CASKIN1: variants seen among roughly 807,000 people sequenced by gnomAD.
CASKIN1 encodes the protein CASK interacting protein 1, also known as caskin-1.
Under a neutral mutation model 117.5 loss-of-function variants are expected in CASKIN1, and 42 were observed. That is an observed-to-expected ratio of 0.36 (90% confidence interval 0.28 to 0.46). The LOEUF (loss-of-function observed/expected upper bound fraction) is 0.46. Among genes scored for constraint, CASKIN1 ranks in the 20% least tolerant of loss-of-function variants. The pLI, the probability that CASKIN1 is intolerant of heterozygous loss-of-function variation, is 1.00. For missense variants in CASKIN1, 2,083 were observed against 2,077.3 expected (o/e 1.00, Z -0.05); for synonymous variants, 1,148 against 961.7 (o/e 1.19, Z -3.59).
Position 2,189,452 on chromosome 16 carries a change from C to T in CASKIN1, c.357G>A (p.Leu119=), listed in dbSNP as rs1474946409. 1 of 1,612,040 alleles carries T rather than the reference C, an allele frequency of 6.2e-7. No individual in the cohort carries two copies. Among genetic ancestry groups the T allele is most frequent in the Non-Finnish European group, 8.5e-7 (1 of 1,179,738 alleles). Residue 119 remains leucine, a synonymous_variant, in exon 4 of 20, where the codon CTG becomes CTA. Transcript: ENST00000343516. ...AGTGACCATGCTGGGCCGCCAGGTG[C>T]AGGGGGATGTGGCCCTCATCAGACG... ...NIPSDEGHIP[L]HLAAQHGHYD... is the part of the protein sequence containing the mutation.
intron 1 of CASKIN1, among the ~76,000 whole-genome samples, chr16:2,193,218 T>G (rs901817594): frequency 5.3e-5 from 8 of 152,194 alleles, no homozygotes; most frequent in African/African-American, 1.9e-4. Flanking sequence ...GGTTTCTCCA[T>G]GTTGGTCAGG....
Position 2,178,405 on chromosome 16 carries a change from C to G in CASKIN1, c.*145G>C. On this transcript the variant is annotated 3_prime_UTR_variant, in exon 20 of 20. Coordinates refer to ENST00000343516, the MANE Select transcript of CASKIN1 (RefSeq NM_020764.4). The stretch of plus-strand genomic sequence containing the variant: ...CGGCCAGGCGGTCCCCGGTGGGCGC[C>G]CCGGCCCGGGTCCAGGGGCCGGAGT... 1.8e-6 allele frequency: 1 copy of G among 544,258 alleles called. No homozygotes were observed. The highest frequency in any genetic ancestry group is 3.9e-5 in the East Asian group (1 of 25,968). The allele number at this position is 544,258 out of a possible 1,614,324, so 33.7% of individuals were successfully genotyped here.
At position 2,180,684 on chromosome 16, in the gene CASKIN1, C is replaced by T. The variant is rs575118987; in HGVS notation, c.2684G>A (p.Arg895Gln). 2.9e-5 allele frequency: 43 copies of T among 1,503,136 alleles called. No individual in the cohort carries two copies. The South Asian group carries it at 3.0e-4, about 11-fold the overall frequency. The allele number at this position is 1,503,136 out of a possible 1,614,324, so 93.1% of individuals were successfully genotyped here. The change falls in exon 18 of 20, where the codon CGG becomes CAG. Residue 895 changes from arginine to glutamine, a missense_variant. Coordinates refer to ENST00000343516, the MANE Select transcript of CASKIN1 (RefSeq NM_020764.4). Reference protein sequence around the residue: ...RYAASDSEPERDELLVPAAAG... With the variant: ...RYAASDSEPEQDELLVPAAAG... ...AGCCGCAGGCACCAGCAGCTCGTCC[C>T]GCTCCGGCTCGCTGTCGGACGCCGC...
rs549216091 is a variant in CASKIN1, at chr16:2,182,612, T to C, written c.1630-683A>G. Reference sequence around the variant, plus strand: ...GAGGATCCCCGAGCCACCAATTGAGTGAGGCAAGGCAGGGTGAGTGCAGAC... The same window carrying C: ...GAGGATCCCCGAGCCACCAATTGAGCGAGGCAAGGCAGGGTGAGTGCAGAC... On this transcript the variant is annotated intron_variant, in intron 16 of 19. Transcript: ENST00000343516. This position sits in a 1 kb window ranked among gnomAD's most constrained non-coding sequence, Gnocchi z 4.1. Among the ~76,000 whole-genome samples, 1 of 152,218 alleles carries C rather than the reference T, an allele frequency of 6.6e-6. No homozygotes were observed. The highest frequency in any genetic ancestry group is 6.5e-5 in the Admixed American group (1 of 15,296).
In CASKIN1 at chr16:2,180,600, G is replaced by T; in HGVS notation, c.2768C>A (p.Pro923His). ...GTTGACGTTCTTGTCGGCACCTGCG[G>T]GCGCCCTCACTGAGTGGCTGCGGCC... ...RVGRSHSVRA[P>H]AGADKNVNRS... Residue 923 changes from proline (P) to histidine (H), a missense_variant, in exon 18 of 20, where the codon CCC becomes CAC. Around this residue, in one of 3 missense-constraint regions of CASKIN1, gnomAD observed 1,818 missense variants for 1,688.9 expected, o/e 1.08. Coordinates refer to ENST00000343516, the MANE Select transcript of CASKIN1 (RefSeq NM_020764.4). 2 of 1,573,096 alleles carry T rather than the reference G, an allele frequency of 1.3e-6. No individual in the cohort carries two copies. Among genetic ancestry groups the T allele is most frequent in the Non-Finnish European group, 1.7e-6 (2 of 1,166,780 alleles).
intron 12 of CASKIN1, 37 bp downstream of exon 12, chr16:2,185,074 C>T (rs1430363392): frequency 1.2e-6 from 2 of 1,607,122 alleles, no homozygotes; most frequent in Admixed American, 1.7e-5. Flanking sequence ...CTGCTCCCAG[C>T]CCTGGCCACC....
Position 2,196,330 on chromosome 16 carries a change from G to C in CASKIN1, c.94+9C>G. Reference sequence around the variant, plus strand: ...GCTCCCACCCGCGCCCCGCGCCCCCGGCACTCACTGGCCTTCCCGGGCCGC... The same window carrying C: ...GCTCCCACCCGCGCCCCGCGCCCCCCGCACTCACTGGCCTTCCCGGGCCGC... On this transcript the variant is annotated intron_variant, in intron 1 of 19. Coordinates refer to ENST00000343516, the MANE Select transcript of CASKIN1 (RefSeq NM_020764.4). This position sits in a 1 kb window ranked among gnomAD's most constrained non-coding sequence, Gnocchi z 5.7. 8.1e-7 allele frequency: 1 copy of C among 1,227,524 alleles called. No individual in the cohort carries two copies. The highest frequency in any genetic ancestry group is 1.0e-6 in the Non-Finnish European group (1 of 974,272). The allele number at this position is 1,227,524 out of a possible 1,614,324, so 76.0% of individuals were successfully genotyped here. A position where few individuals can be genotyped will look rare whatever the true frequency, so the allele number is the denominator to read the frequency against.
At position 2,189,302 on chromosome 16, in the gene CASKIN1, G is replaced by A; in HGVS notation, c.422C>T (p.Pro141Leu). The change falls in exon 5 of 20, where the codon CCG becomes CTG. Residue 141 changes from proline to leucine, a missense_variant. Physicochemically the swap from Pro to Leu is moderately conservative, Grantham distance 98. This residue lies in a region of CASKIN1 where 203 missense variants were observed against 338.7 expected (regional missense o/e 0.60). Transcript: ENST00000343516. ...CTTCCCCGAGTTGTCCACCATGCACGGGTTAGACTGGTGCTGTAGCAGCAT... is the reference window on the plus strand; with the variant it reads ...CTTCCCCGAGTTGTCCACCATGCACAGGTTAGACTGGTGCTGTAGCAGCAT... ...SEMLLQHQSN[P>L]CMVDNSGKTP... The A allele has an allele frequency of 1.9e-6, 3 of 1,613,236 alleles. No homozygotes were observed. Among genetic ancestry groups the A allele is most frequent in the Non-Finnish European group, 2.5e-6 (3 of 1,179,914 alleles).
intron 3 of CASKIN1, 58 bp from the exon 4 acceptor site, chr16:2,189,622 A>G (rs1429294156): frequency 6.6e-6 from 10 of 1,524,866 alleles, no homozygotes; most frequent in Non-Finnish European, 7.9e-6. Context: ...ACCCTGGAGG[A>G]TAGGGGGGTG....
At chr16:2,193,389 G>C (rs1350531583) in intron 1 of CASKIN1, among the ~76,000 whole-genome samples, 1 of 152,184 alleles carries the variant, frequency 6.6e-6, no homozygotes, top group African/African-American at 2.4e-5. Flanking sequence ...ATGTCGTGGG[G>C]CCTACCACCA....
rs929165040 is a variant in CASKIN1 at position 2,182,007 on chromosome 16, A to G, written c.1630-78T>C. 21 of 1,592,516 alleles carry G rather than the reference A, an allele frequency of 1.3e-5. No individual in the cohort carries two copies. In the African/African-American group the frequency reaches 2.1e-4, roughly 16 times the overall value. On this transcript the variant is annotated intron_variant, in intron 16 of 19. Transcript: ENST00000343516. This position sits in a 1 kb window ranked among gnomAD's most constrained non-coding sequence, Gnocchi z 4.1. ...CCATCTACCTGGAGCTGGAGGAGGA[A>G]GGGTCACCGGGCCAGCAGGGCACAG...
At position 2,181,494 on chromosome 16, in the gene CASKIN1, G is replaced by A. The variant is rs780998571; in HGVS notation, c.1874C>T (p.Ser625Phe). ...CGACTCGATGGCCATCACTTCAAGAGACTGGGGCGCCTTCCGGCGCAGGGG... is the reference window on the plus strand; with the variant it reads ...CGACTCGATGGCCATCACTTCAAGAAACTGGGGCGCCTTCCGGCGCAGGGG... ...GGPLRRKAPQ[S>F]LEVMAIESPP... is the part of the protein sequence containing the mutation. The change falls in exon 18 of 20, where the codon TCT (serine) becomes TTT (phenylalanine). Residue 625 changes from serine to phenylalanine, a missense_variant. Ser to Phe is a radical substitution (Grantham distance 155, BLOSUM62 -2). Transcript: ENST00000343516. 1 of 1,611,106 alleles carries A rather than the reference G, an allele frequency of 6.2e-7. No individual in the cohort carries two copies. The highest frequency in any genetic ancestry group is 1.3e-5 in the African/African-American group (1 of 74,902).
At chr16:2,192,346 G>C (rs2093203640) in intron 1 of CASKIN1, among the ~76,000 whole-genome samples, 1 of 151,560 alleles carries the variant, frequency 6.6e-6, no homozygotes, top group African/African-American at 2.4e-5. Context: ...ATCTTGCCAC[G>C]CCTCTCCTGA....
chr16:2,179,061 G>T lies in CASKIN1; in HGVS notation c.4040C>A (p.Ala1347Asp). 1 of 990,080 alleles carries T rather than the reference G, an allele frequency of 1.0e-6. No individual in the cohort carries two copies. 61.3% of individuals were successfully genotyped at this position (990,080 alleles called of 1,614,324 possible). A position where few individuals can be genotyped will look rare whatever the true frequency, so the allele number is the denominator to read the frequency against. The change falls in exon 19 of 20, where the codon GCC becomes GAC. Residue 1347 changes from alanine to aspartate, a missense_variant. This residue lies in a region of CASKIN1 where 1,818 missense variants were observed against 1,688.9 expected (regional missense o/e 1.08). Transcript: ENST00000343516. This position sits in a 1 kb window ranked among gnomAD's most constrained non-coding sequence, Gnocchi z 5.8. ...CGCGGCGGCGGCGGCGGCGGCGGCG[G>T]CGGCGGCTCGCGGGGGCTTGGCGGG... ...HVPAKPPRAA[A>D]AAAAAAAAPP...
At position 2,185,154 on chromosome 16, in the gene CASKIN1, C is replaced by T. The variant is rs1050508388; in HGVS notation, c.1196G>A (p.Gly399Asp). The stretch of plus-strand genomic sequence containing the variant: ...CGCGTGTAGGGCGTGACCCCCGCTG[C>T]CCCGGCCGCCAGCCATGCCGCTAAT... The part of the protein sequence containing the change: ...GSISGMAGGR[G>D]SGGHALHAGS... Residue 399 changes from glycine to aspartate, a missense_variant, in exon 12 of 20, where the codon GGC (glycine) becomes GAC (aspartate). Coordinates refer to ENST00000343516, the MANE Select transcript of CASKIN1 (RefSeq NM_020764.4). 1.9e-6 allele frequency: 3 copies of T among 1,608,848 alleles called. No homozygotes were observed. The highest frequency in any genetic ancestry group is 1.7e-6 in the Non-Finnish European group (2 of 1,179,574).
intron 1 of CASKIN1, among the ~76,000 whole-genome samples, chr16:2,191,535 G>A (rs1380147003): frequency 1.3e-5 from 2 of 152,188 alleles, no homozygotes; most frequent in Admixed American, 6.5e-5. Context: ...GACATAAAGC[G>A]TGCGCGGCCT....
In CASKIN1 at chr16:2,180,097, C is replaced by G; in HGVS notation, c.3271G>C (p.Val1091Leu). ...CGCTGCCGGCCAGTGCCATCCTCCA[C>G]AAAGGGGCCTGGGTCTGCCGACTCC... ...PGESADPGPF[V>L]EDGTGRQRPR... Residue 1091 changes from valine to leucine, a missense_variant, in exon 18 of 20, where the codon GTG becomes CTG. Val to Leu is a conservative substitution (Grantham distance 32, BLOSUM62 1). Around this residue, in one of 3 missense-constraint regions of CASKIN1, gnomAD observed 1,818 missense variants for 1,688.9 expected, o/e 1.08. Transcript: ENST00000343516. 1 of 1,561,520 alleles carries G rather than the reference C, an allele frequency of 6.4e-7. No homozygotes were observed. Among genetic ancestry groups the G allele is most frequent in the East Asian group, 2.4e-5 (1 of 41,478 alleles).
In CASKIN1 at chr16:2,180,895, G is replaced by C; in HGVS notation, c.2473C>G (p.Gln825Glu). The change falls in exon 18 of 20, where the codon CAG becomes GAG. Residue 825 changes from glutamine to glutamate, a missense_variant. Transcript: ENST00000343516. ...ERPMSPRSLPQSPTHRGFAYV... is the reference protein window; with the variant it reads ...ERPMSPRSLPESPTHRGFAYV... Reference sequence around the variant, plus strand: ...GCAAAGCCGCGGTGCGTCGGTGACTGAGGCAGGGAGCGGGGTGACATGGGG... The same window carrying C: ...GCAAAGCCGCGGTGCGTCGGTGACTCAGGCAGGGAGCGGGGTGACATGGGG... The C allele has an allele frequency of 6.9e-7, 1 of 1,444,490 alleles. No homozygotes were observed. Among genetic ancestry groups the C allele is most frequent in the Non-Finnish European group, 9.0e-7 (1 of 1,105,390 alleles). The allele number at this position is 1,444,490 out of a possible 1,614,324, so 89.5% of individuals were successfully genotyped here.
At position 2,179,826 on chromosome 16, in the gene CASKIN1, G is replaced by C. The variant is rs770570855; in HGVS notation, c.3542C>G (p.Pro1181Arg). The change falls in exon 18 of 20, where the codon CCG becomes CGG. Residue 1181 changes from proline (P) to arginine (R), a missense_variant. Pro to Arg is a moderately radical substitution (Grantham distance 103). Transcript: ENST00000343516. This position sits in a 1 kb window ranked among gnomAD's most constrained non-coding sequence, Gnocchi z 5.8. ...CGGAGGCCCAGCCTGCTCCGAGGCC[G>C]GTCGGCGGCGCACGGTGCCAGTGCC... Reference protein sequence around the residue: ...HNGTGTVRRRPASEQAGPPEL... With the variant: ...HNGTGTVRRRRASEQAGPPEL... 6.3e-7 allele frequency: 1 copy of C among 1,595,116 alleles called. No individual in the cohort carries two copies. Among genetic ancestry groups the C allele is most frequent in the Non-Finnish European group, 8.5e-7 (1 of 1,172,862 alleles).
Sources: allele counts gnomAD v4.1 joint callset (sites outside exome capture counted in the v4.1 genomes callset), GRCh38; gene constraint gnomAD v4.1.1; regional missense constraint gnomAD v4.1.1; non-coding constraint Gnocchi (gnomAD v3.1); transcripts MANE v1.5; gene names NCBI Gene and HGNC (gene_info 2026-07-23, HGNC 2026-07-21).